PIK3CB: variants seen among roughly 807,000 people sequenced by gnomAD.
PIK3CB encodes phosphatidylinositol 4,5-bisphosphate 3-kinase catalytic subunit beta isoform.
PIK3CB carries 39 observed loss-of-function variants against 136.8 expected under a neutral mutation model. The ratio of observed to expected loss-of-function variants is 0.29; its 90% CI spans 0.22 to 0.37. The LOEUF is 0.37. Ranked by LOEUF, PIK3CB falls within the 10% of genes least tolerant of loss-of-function variation. PIK3CB has a pLI of 1.00. For synonymous variants in PIK3CB, 428 were observed against 436.6 expected, an observed-to-expected ratio of 0.98 and a Z score of 0.25; for missense variants, 868 against 1,275.4, an observed-to-expected ratio of 0.68 and a Z score of 4.87.
chr3:138,780,356 C>T (rs991919775), intron 2 of PIK3CB, among the ~76,000 whole-genome samples: 12 of 151,850 alleles, frequency 7.9e-5, no homozygotes, highest in Non-Finnish European at 1.6e-4. Context: ...CTGCAACCTC[C>T]GCCTCCAGGG....
At chr3:138,806,628 GC>G (rs2108856432) in intron 1 of PIK3CB, among the ~76,000 whole-genome samples, 1 of 152,318 alleles carries the variant, frequency 6.6e-6, no homozygotes, top group African/African-American at 2.4e-5. Context: ...AGAAATTGAG[GC>G]CTGCTTATTC....
At chr3:138,830,438 AG>A (rs954790222) in intron 1 of PIK3CB, among the ~76,000 whole-genome samples, 9 of 152,022 alleles carry the variant, frequency 5.9e-5, no homozygotes, top group African/African-American at 2.2e-4. Flanking sequence ...TTGTAATCCC[AG>A]CTACTCGGGA....
In PIK3CB at chr3:138,654,464, G is replaced by A. The variant is rs1289630013; in HGVS notation, c.*925C>T. 1 of 227,956 alleles carries A rather than the reference G, an allele frequency of 4.4e-6. No individual in the cohort carries two copies. The highest frequency in any genetic ancestry group is 8.7e-6 in the Non-Finnish European group (1 of 114,890). The allele number at this position is 227,956 out of a possible 1,614,324, so 14.1% of individuals were successfully genotyped here. A position where few individuals can be genotyped will look rare whatever the true frequency, so the allele number is the denominator to read the frequency against. On this transcript the variant is annotated 3_prime_UTR_variant, in exon 24 of 24. Coordinates refer to ENST00000674063, the MANE Select transcript of PIK3CB (RefSeq NM_006219.3). ...TCTAAAATACTGAATTTCAGATCTGGAGTTTATTCCATAAATAGGTTTCTT... is the reference window on the plus strand; with the variant it reads ...TCTAAAATACTGAATTTCAGATCTGAAGTTTATTCCATAAATAGGTTTCTT...
intron 4 of PIK3CB, among the ~76,000 whole-genome samples, chr3:138,745,642 G>A (rs2045340097): frequency 6.6e-6 from 1 of 151,926 alleles, no homozygotes; most frequent in South Asian, 2.1e-4. Flanking sequence ...CAAAAAAAAA[G>A]GCAGCCCCTT....
At chr3:138,720,907 T>G (rs984169375) in intron 8 of PIK3CB, among the ~76,000 whole-genome samples, 2 of 151,916 alleles carry the variant, frequency 1.3e-5, no homozygotes, top group South Asian at 2.1e-4. Flanking sequence ...AGAAAGAAAA[T>G]AAAGAAAAAA....
chr3:138,693,936 A>AAT (rs1179221176), intron 14 of PIK3CB, among the ~76,000 whole-genome samples: 728 of 64,550 alleles, frequency 0.011, 16 homozygotes, highest in Middle Eastern at 0.02. Context: ...ATTTGCTTAA[A>AAT]ATATATATAT....
chr3:138,824,517 G>A (rs911334455), intron 1 of PIK3CB, among the ~76,000 whole-genome samples: 3 of 151,958 alleles, frequency 2.0e-5, no homozygotes, highest in African/African-American at 4.8e-5. Context: ...AGATATGGCC[G>A]GGCGCGGTGG....
rs35232938 is a variant in PIK3CB at position 138,801,861 on chromosome 3, C to CAA, written c.-121-5296_-121-5295dup. Among the ~76,000 whole-genome samples the CAA allele has an allele frequency of 4.3e-3, 245 of 57,032 alleles. 1 individual carries two copies. Among genetic ancestry groups the CAA allele is most frequent in the African/African-American group, 8.4e-3 (106 of 12,598 alleles). The allele number at this position is 57,032 out of a possible 152,430, so 37.4% of individuals were successfully genotyped here. A position where few individuals can be genotyped will look rare whatever the true frequency, so the allele number is the denominator to read the frequency against. ...CTGGTGACAGAGCAAGACTCCATCT[C>CAA]AAAAAAAAAAAAAAAAAAAAAGATA... On this transcript the variant is annotated intron_variant, in intron 1 of 23. Transcript: ENST00000674063.
intron 16 of PIK3CB, among the ~76,000 whole-genome samples, chr3:138,687,198 G>A (rs1013536471): frequency 6.7e-6 from 1 of 149,444 alleles, no homozygotes; most frequent in African/African-American, 2.5e-5. Context: ...CTATGTACAG[G>A]GTAAAGTCTT....
At chr3:138,740,705 T>C (rs1341473081) in intron 5 of PIK3CB, among the ~76,000 whole-genome samples, 1 of 151,966 alleles carries the variant, frequency 6.6e-6, no homozygotes, top group Non-Finnish European at 1.5e-5. Flanking sequence ...CAAGCTGAAG[T>C]GTGGTGGCGC....
chr3:138,834,320 G>A (rs1934173913), intron 1 of PIK3CB, among the ~76,000 whole-genome samples: 1 of 152,232 alleles, frequency 6.6e-6, no homozygotes, highest in African/African-American at 2.4e-5. Context: ...CTGAGGGTCG[G>A]GAAGTTCCGG....
chr3:138,660,704 TATC>T (rs1159998259), intron 21 of PIK3CB, among the ~76,000 whole-genome samples: 2 of 152,198 alleles, frequency 1.3e-5, no homozygotes, highest in South Asian at 4.1e-4. Context: ...TTTTAAATGT[TATC>T]ATCACAAAAA....
rs537334249 is a variant in PIK3CB, at chr3:138,753,977, C to T, written c.397+1777G>A. Among the ~76,000 whole-genome samples the T allele has an allele frequency of 5.4e-4, 82 of 152,130 alleles. No homozygotes were observed. The South Asian group carries it at 0.011, about 21-fold the overall frequency. ...CCACAGAAACAAAAACAAATAAAAG[C>T]CTTGAAATACATATAATTTATTCAA... On this transcript the variant is annotated intron_variant, in intron 4 of 23. Coordinates refer to ENST00000674063, the MANE Select transcript of PIK3CB (RefSeq NM_006219.3).
At chr3:138,797,449 G>C (rs1041252693) in intron 1 of PIK3CB, among the ~76,000 whole-genome samples, 2 of 152,080 alleles carry the variant, frequency 1.3e-5, no homozygotes, top group Non-Finnish European at 2.9e-5. Flanking sequence ...GCCAGCCCTG[G>C]TCACGACCCT....
At chr3:138,821,386 CCTGAGGT>C (rs1933558332) in intron 1 of PIK3CB, among the ~76,000 whole-genome samples, 1 of 152,074 alleles carries the variant, frequency 6.6e-6, no homozygotes, top group Non-Finnish European at 1.5e-5. Flanking sequence ...GGGTGGCTCA[CCTGAGGT>C]CAGGAGCCAC....
At chr3:138,771,532 T>C (rs529477057) in intron 2 of PIK3CB, among the ~76,000 whole-genome samples, 1 of 152,204 alleles carries the variant, frequency 6.6e-6, no homozygotes. Flanking sequence ...GAACTTCATT[T>C]TCTAAAGGTG....
chr3:138,655,390 T>G lies in PIK3CB; in HGVS notation c.3212A>C (p.Ter1071SerextTer32), dbSNP rs777703512. The G allele has an allele frequency of 6.2e-7, 1 of 1,613,948 alleles. No individual in the cohort carries two copies. The highest frequency in any genetic ancestry group is 1.1e-5 in the South Asian group (1 of 90,992). ...AHTVRKDYRS* is the reference protein window; with the variant it reads ...AHTVRKDYRSS Reference sequence around the variant, plus strand: ...TACATTAGGAGCGAAGGCTGATCGTTAAGATCTGTAGTCTTTCCGAACTGT... The same window carrying G: ...TACATTAGGAGCGAAGGCTGATCGTGAAGATCTGTAGTCTTTCCGAACTGT... Residue 1071 changes from the stop codon to serine, a stop_lost, in exon 24 of 24, where the codon TAA (stop) becomes TCA (serine). Transcript: ENST00000674063.
At chr3:138,818,672 C>T (rs915792238) in intron 1 of PIK3CB, among the ~76,000 whole-genome samples, 4 of 152,148 alleles carry the variant, frequency 2.6e-5, no homozygotes, top group Admixed American at 6.6e-5. Flanking sequence ...GCTAGAATGG[C>T]CTCCTTTTAG....
At chr3:138,767,808 G>A (rs994438552) in intron 2 of PIK3CB, among the ~76,000 whole-genome samples, 10 of 152,192 alleles carry the variant, frequency 6.6e-5, no homozygotes, top group East Asian at 1.9e-4. Context: ...GGTGGCACCC[G>A]GAAGCTTGGA....
Sources: allele counts gnomAD v4.1 joint callset (sites outside exome capture counted in the v4.1 genomes callset), GRCh38; gene constraint gnomAD v4.1.1; transcripts MANE v1.5; gene names NCBI Gene and HGNC (gene_info 2026-07-23, HGNC 2026-07-21).